The following SCN10A variants were observed in gnomAD, a reference collection of about 807,000 sequenced individuals.
SCN10A encodes the protein sodium channel protein type 10 subunit alpha.
In SCN10A, 162 loss-of-function variants were observed where a neutral mutation model predicts 170.7. That is an observed-to-expected ratio of 0.95 (90% confidence interval 0.84 to 1.08). The LOEUF (loss-of-function observed/expected upper bound fraction) is 1.08, where lower values mean the gene tolerates loss of function less well. Ranked by LOEUF, SCN10A falls within the 50% of genes least tolerant of loss-of-function variation. The pLI, the probability that SCN10A is intolerant of heterozygous loss-of-function variation, is 0.00. For missense variants in SCN10A, 2,527 were observed against 2,436.9 expected (o/e 1.04, Z -0.78); for synonymous variants, 985 against 904.6 (o/e 1.09, Z -1.59).
At chr3:38,782,874 A>G (rs1008699309) in intron 4 of SCN10A, among the ~76,000 whole-genome samples, 3 of 152,154 alleles carry the variant, frequency 2.0e-5, no homozygotes, top group Non-Finnish European at 4.4e-5. Context: ...ATGTTTGTGT[A>G]TTAGTCAGCC....
At chr3:38,751,026 C>G (rs772282168) in intron 12 of SCN10A, among the ~76,000 whole-genome samples, 1 of 152,176 alleles carries the variant, frequency 6.6e-6, no homozygotes, top group Non-Finnish European at 1.5e-5. Flanking sequence ...GGAGGGAGAC[C>G]TGTACAAAAT....
At chr3:38,718,910 G>T in intron 20 of SCN10A, 84 bp from the exon 21 acceptor site, 1 of 1,303,062 alleles carries the variant, frequency 7.7e-7, no homozygotes, top group Non-Finnish European at 1.1e-6. Context: ...GACCCAGCCA[G>T]CCCTGACCAC....
chr3:38,754,779 G>T (rs1380496663), intron 11 of SCN10A, among the ~76,000 whole-genome samples: 1 of 152,168 alleles, frequency 6.6e-6, no homozygotes, highest in Non-Finnish European at 1.5e-5. Context: ...GGGTTGGAGA[G>T]ATGGTATTGC....
chr3:38,733,940 G>A (rs1364431784), intron 15 of SCN10A, among the ~76,000 whole-genome samples: 3 of 151,536 alleles, frequency 2.0e-5, no homozygotes, highest in Non-Finnish European at 4.4e-5. Context: ...GGCTGGTCTC[G>A]AACTCCCGAC....
chr3:38,790,346 AC>A (rs1242611775), intron 3 of SCN10A, among the ~76,000 whole-genome samples: 4 of 152,070 alleles, frequency 2.6e-5, no homozygotes, highest in African/African-American at 9.6e-5. Context: ...TTAAATGCAG[AC>A]TTTTGTGAGG....
Position 38,709,541 on chromosome 3 carries a change from G to T in SCN10A, c.4218C>A (p.Gly1406=). ...CAACAAAGAGATTCAGTGTGAAGAA[G>T]CCTCCAAAAATGATGAAGATGACAA... ...LYFVIFIIFG[G]FFTLNLFVGV... Residue 1406 remains glycine (G), a synonymous_variant, in exon 25 of 28, where the codon GGC becomes GGA. Coordinates refer to ENST00000449082, the MANE Select transcript of SCN10A (RefSeq NM_006514.4). 1 of 1,613,192 alleles carries T rather than the reference G, an allele frequency of 6.2e-7. No homozygotes were observed. Among genetic ancestry groups the T allele is most frequent in the Non-Finnish European group, 8.5e-7 (1 of 1,179,604 alleles).
Position 38,750,179 on chromosome 3 carries a change from G to A in SCN10A, c.1761C>T (p.Phe587=), listed in dbSNP as rs199645904. ...LAPGAVDVSA[F]DAGQKKTFLS... ...AGAAAGTCTTCTTTTGTCCTGCATC[G>A]AATGCCTGTTGAGACACAAACAGAG... The change falls in exon 13 of 28, where the codon TTC becomes TTT. Residue 587 remains phenylalanine (F), a synonymous_variant. Coordinates refer to ENST00000449082, the MANE Select transcript of SCN10A (RefSeq NM_006514.4). 6.7e-5 allele frequency: 107 copies of A among 1,602,588 alleles called. No homozygotes were observed. The highest frequency in any genetic ancestry group is 8.5e-5 in the Non-Finnish European group (100 of 1,170,308).
chr3:38,747,334 T>A (rs2063702179), intron 13 of SCN10A, among the ~76,000 whole-genome samples: 1 of 152,184 alleles, frequency 6.6e-6, no homozygotes, highest in Non-Finnish European at 1.5e-5. Context: ...GTGCATGCAC[T>A]TGTCTTCTGG....
intron 15 of SCN10A, among the ~76,000 whole-genome samples, chr3:38,732,477 T>C (rs551258407): frequency 1.3e-5 from 2 of 152,354 alleles, no homozygotes; most frequent in East Asian, 3.9e-4. Context: ...ACATCTCTAT[T>C]ATGTTAACTC....
chr3:38,708,493 A>G (rs1051894480), intron 25 of SCN10A, among the ~76,000 whole-genome samples: 4 of 152,232 alleles, frequency 2.6e-5, no homozygotes, highest in Non-Finnish European at 2.9e-5. Context: ...TCTTATGCTC[A>G]GAACCCTGGG....
chr3:38,723,551 T>A lies in SCN10A; in HGVS notation c.3231A>T (p.Gly1077=). 6.3e-7 allele frequency: 1 copy of A among 1,588,428 alleles called. No homozygotes were observed. Among genetic ancestry groups the A allele is most frequent in the East Asian group, 2.3e-5 (1 of 43,526 alleles). The stretch of plus-strand genomic sequence containing the variant: ...CCTCAGAGGAGCTTGTGTCGTCCAC[T>A]CCCTGCAGGGGAGAAGCCCAGGGCA... ...DESVPQVPAE[G]VDDTSSSEGS... The change falls in exon 19 of 28, where the codon GGA becomes GGT. Residue 1077 remains glycine, a splice_region_variant and synonymous_variant. Coordinates refer to ENST00000449082, the MANE Select transcript of SCN10A (RefSeq NM_006514.4).
intron 21 of SCN10A, among the ~76,000 whole-genome samples, chr3:38,716,356 C>T (rs888857067): frequency 3.9e-5 from 6 of 152,052 alleles, no homozygotes; most frequent in African/African-American, 1.4e-4. Context: ...AGGTCTTTCC[C>T]ATGCTGTTCT....
At chr3:38,782,505 C>T (rs540690647) in intron 4 of SCN10A, among the ~76,000 whole-genome samples, 4 of 152,112 alleles carry the variant, frequency 2.6e-5, no homozygotes, top group South Asian at 2.1e-4. Flanking sequence ...TTCTTTCCCC[C>T]GTGCTGTCAT....
chr3:38,736,988 T>TTTTTTTTTTTTTTTTTTTTAA, intron 15 of SCN10A, among the ~76,000 whole-genome samples: 1 of 127,392 alleles, frequency 7.8e-6, no homozygotes, highest in Admixed American at 8.0e-5. Context: ...TTTTTTTTTT[T>TTTTTTTTTTTTTTTTTTTTAA]GAGACGGAGT....
intron 1 of SCN10A, among the ~76,000 whole-genome samples, chr3:38,810,636 T>C (rs1350644258): frequency 1.3e-5 from 2 of 152,240 alleles, no homozygotes; most frequent in African/African-American, 4.8e-5. Flanking sequence ...TTTATTTGTG[T>C]ATTTGTTTAA....
At chr3:38,789,548 T>C (rs2064252879) in intron 3 of SCN10A, among the ~76,000 whole-genome samples, 1 of 152,102 alleles carries the variant, frequency 6.6e-6, no homozygotes, top group Non-Finnish European at 1.5e-5. Flanking sequence ...GTACAAACTT[T>C]CATGGGAATT....
intron 4 of SCN10A, 32 bp from the exon 5 acceptor site, chr3:38,771,439 T>A (rs1393205611): frequency 6.2e-7 from 1 of 1,610,838 alleles, no homozygotes; most frequent in Non-Finnish European, 8.5e-7. Context: ...GAGTGTCAAC[T>A]GTGCCATGGA....
At chr3:38,708,205 T>C (rs760982318) in intron 25 of SCN10A, among the ~76,000 whole-genome samples, 18 of 152,052 alleles carry the variant, frequency 1.2e-4, no homozygotes, top group Non-Finnish European at 2.1e-4. Flanking sequence ...ACCATCTTTA[T>C]GGGGGGAGAG....
chr3:38,752,151 A>G, intron 12 of SCN10A, 68 bp downstream of exon 12: 1 of 1,382,838 alleles, frequency 7.2e-7, no homozygotes, highest in South Asian at 1.7e-5. Flanking sequence ...GGTGATACTC[A>G]GGCTTCTTGG....
Sources: gnomAD v4.1 joint callset for allele counts (sites outside exome capture counted in the v4.1 genomes callset) on GRCh38, gnomAD v4.1.1 for gene constraint, MANE v1.5 for transcripts, NCBI Gene and HGNC (gene_info 2026-07-23, HGNC 2026-07-21) for gene names.